LDLRAD4: variants seen among roughly 807,000 people sequenced by gnomAD.
The protein encoded by LDLRAD4 is low density lipoprotein receptor class A domain containing 4.
Under a neutral mutation model 17.0 loss-of-function variants are expected in LDLRAD4, and 5 were observed. That is an observed-to-expected ratio of 0.29 (90% CI 0.15 to 0.62). LDLRAD4 has a LOEUF of 0.62. LDLRAD4 is among the 20% of genes least tolerant of loss of function. The pLI is 0.84. For synonymous variants in LDLRAD4, 168 were observed against 171.8 expected (o/e 0.98, Z 0.17); for missense variants, 340 against 424.7 (o/e 0.80, Z 1.75).
At chr18:13,219,353 T>G (rs922886459) in intron 1 of LDLRAD4, among the ~76,000 whole-genome samples, 7 of 152,224 alleles carry the variant, frequency 4.6e-5, no homozygotes, top group Non-Finnish European at 8.8e-5. Flanking sequence ...CCCCCAAAAT[T>G]TTTTAATTAG....
At position 13,300,001 on chromosome 18, in the gene LDLRAD4, C is replaced by T. The variant is rs866498224; in HGVS notation, c.-383+21813C>T. 4.6e-5 allele frequency among the ~76,000 whole-genome samples: 7 copies of T among 152,316 alleles called. No individual in the cohort carries two copies. The highest frequency in any genetic ancestry group is 3.4e-3 in the Middle Eastern group (1 of 294). On this transcript the variant is annotated intron_variant, in intron 1 of 5. Coordinates refer to ENST00000359446, the Ensembl canonical transcript of LDLRAD4. The surrounding 1 kb of genome is among the most constrained non-coding windows in gnomAD (Gnocchi z 4.2). ...CAGCCCACCTGTGTTCCCCTGGTGC[C>T]TGCACACATCAGCCTCTCATGGCTC...
At chr18:13,587,023 T>C (rs2094945127) in intron 3 of LDLRAD4, among the ~76,000 whole-genome samples, 1 of 152,146 alleles carries the variant, frequency 6.6e-6, no homozygotes, top group Admixed American at 6.5e-5. Flanking sequence ...AAGCTGGCAA[T>C]ATGAAAATAT....
chr18:13,225,413 T>C (rs1017124284), intron 1 of LDLRAD4, among the ~76,000 whole-genome samples: 3 of 152,234 alleles, frequency 2.0e-5, no homozygotes, highest in African/African-American at 7.2e-5. Flanking sequence ...TACTACCAGG[T>C]GTCCCACATG....
At chr18:13,451,281 A>G (rs1350513874) in intron 3 of LDLRAD4, among the ~76,000 whole-genome samples, 1 of 152,204 alleles carries the variant, frequency 6.6e-6, no homozygotes, top group East Asian at 1.9e-4. Flanking sequence ...AGGTGGGGCC[A>G]GGCGGGAGGT....
chr18:13,389,154 C>T (rs750664664), intron 2 of LDLRAD4, among the ~76,000 whole-genome samples: 4 of 152,224 alleles, frequency 2.6e-5, no homozygotes, highest in Non-Finnish European at 5.9e-5. Flanking sequence ...TTCATACCTG[C>T]AGCCCAGCTG....
chr18:13,569,850 A>G (rs1304995360), intron 3 of LDLRAD4, among the ~76,000 whole-genome samples: 1 of 152,258 alleles, frequency 6.6e-6, no homozygotes, highest in Non-Finnish European at 1.5e-5. Context: ...GTGCCACCGC[A>G]CTGCAGCCTG....
chr18:13,652,523 T>C (rs770325321), exon 6 of LDLRAD4: 1 of 152,654 alleles, frequency 6.6e-6, no homozygotes, highest in Admixed American at 6.5e-5. Context: ...TGCTTACTTT[T>C]CAACATAATT....
chr18:13,285,330 T>G (rs2045558724), intron 1 of LDLRAD4, among the ~76,000 whole-genome samples: 1 of 152,166 alleles, frequency 6.6e-6, no homozygotes, highest in Non-Finnish European at 1.5e-5. Context: ...GTGGTTCATT[T>G]GGCTTGGGGC....
At chr18:13,349,121 G>A (rs1258834414) in intron 1 of LDLRAD4, among the ~76,000 whole-genome samples, 1 of 152,214 alleles carries the variant, frequency 6.6e-6, no homozygotes, top group Non-Finnish European at 1.5e-5. Flanking sequence ...GATGAACCCG[G>A]TACCACAGTT....
intron 1 of LDLRAD4, among the ~76,000 whole-genome samples, chr18:13,386,434 T>C (rs1281690018): frequency 2.0e-5 from 3 of 152,074 alleles, no homozygotes; most frequent in Non-Finnish European, 4.4e-5. Flanking sequence ...AATGGCGCGA[T>C]CTTGGCTCAC....
In LDLRAD4 at chr18:13,572,894, G is replaced by A. The variant is rs139710193; in HGVS notation, c.182-48223G>A. Reference sequence around the variant, plus strand: ...CCCTTCCCGATAGCAGCAGCGCAGAGGGCACAGAGTGGCGCAGGCGAGACT... The same window carrying A: ...CCCTTCCCGATAGCAGCAGCGCAGAAGGCACAGAGTGGCGCAGGCGAGACT... On this transcript the variant is annotated intron_variant, in intron 3 of 5. Coordinates refer to ENST00000359446, the Ensembl canonical transcript of LDLRAD4. Among the ~76,000 whole-genome samples the A allele has an allele frequency of 6.2e-3, 943 of 152,320 alleles. 7 individuals are homozygous for A. Among genetic ancestry groups the A allele is most frequent in the Middle Eastern group, 0.01 (3 of 294 alleles).
At chr18:13,543,056 A>G (rs1321322610) in intron 3 of LDLRAD4, 4 of 152,186 alleles carry the variant, frequency 2.6e-5, no homozygotes, top group Non-Finnish European at 5.9e-5. Context: ...GGACGCATGC[A>G]TGGCTCTTCG....
chr18:13,525,300 A>G (rs1001793289), intron 3 of LDLRAD4, among the ~76,000 whole-genome samples: 1 of 152,164 alleles, frequency 6.6e-6, no homozygotes, highest in Admixed American at 6.5e-5. Flanking sequence ...TTCTGGGAGA[A>G]CGAAGAGCAT....
At chr18:13,361,620 G>A (rs1029563429) in intron 1 of LDLRAD4, among the ~76,000 whole-genome samples, 4 of 152,164 alleles carry the variant, frequency 2.6e-5, no homozygotes, top group African/African-American at 9.7e-5. Context: ...TGGCAGGAGT[G>A]CGTGTTGTCT....
At chr18:13,337,617 G>A (rs1033944957) in intron 1 of LDLRAD4, among the ~76,000 whole-genome samples, 1 of 151,960 alleles carries the variant, frequency 6.6e-6, no homozygotes, top group Non-Finnish European at 1.5e-5. Flanking sequence ...AAAAGTCGGC[G>A]GGGGGCAGTG....
chr18:13,386,725 A>G (rs1246294175), intron 1 of LDLRAD4, among the ~76,000 whole-genome samples: 1 of 152,196 alleles, frequency 6.6e-6, no homozygotes, highest in Non-Finnish European at 1.5e-5. Context: ...TTCTCACTAA[A>G]AAGTTAATGT....
chr18:13,477,756 G>T (rs1465726147), intron 3 of LDLRAD4, among the ~76,000 whole-genome samples: 2 of 152,162 alleles, frequency 1.3e-5, no homozygotes, highest in Admixed American at 1.3e-4. Flanking sequence ...AGCCATGTTC[G>T]CATTTTGGAA....
At chr18:13,432,170 ATTCCCATGCTGTCAG>A (rs1403651068) in intron 2 of LDLRAD4, among the ~76,000 whole-genome samples, 2 of 152,222 alleles carry the variant, frequency 1.3e-5, no homozygotes, top group Non-Finnish European at 2.9e-5. Context: ...TCCCCACGGC[ATTCCCATGCTGTCAG>A]TTCCCATGCT....
At chr18:13,465,042 TGGCGCGA>T (rs1452095934) in intron 3 of LDLRAD4, 1 of 152,204 alleles carries the variant, frequency 6.6e-6, no homozygotes, top group Non-Finnish European at 1.5e-5. Context: ...CCGGAAACGA[TGGCGCGA>T]GGCCGCAGAG....
Sources: allele counts gnomAD v4.1 joint callset (sites outside exome capture counted in the v4.1 genomes callset), GRCh38; gene constraint gnomAD v4.1.1; non-coding constraint Gnocchi (gnomAD v3.1); transcripts MANE v1.5; gene names NCBI Gene and HGNC (gene_info 2026-07-23, HGNC 2026-07-21).